The following TRAPPC9 variants were observed in gnomAD, a reference collection of about 807,000 sequenced individuals.
TRAPPC9 encodes the protein IKK2 binding protein.
In TRAPPC9, 83 loss-of-function variants were observed where a neutral mutation model predicts 124.0. The observed-to-expected ratio is 0.67, with a 90% CI of 0.56 to 0.80. TRAPPC9 has a LOEUF of 0.80. TRAPPC9 is among the 30% of genes least tolerant of loss of function. The pLI is 0.00. For missense variants in TRAPPC9, 1,302 were observed against 1,508.3 expected, an observed-to-expected ratio of 0.86 and a Z score of 2.27; for synonymous variants, 638 against 617.5, an observed-to-expected ratio of 1.03 and a Z score of -0.49.
intron 16 of TRAPPC9, among the ~76,000 whole-genome samples, chr8:140,244,712 CCTT>C (rs958530712): frequency 6.8e-6 from 1 of 146,774 alleles, no homozygotes; most frequent in African/African-American, 2.7e-5. Context: ...TTCATGAAAA[CCTT>C]CTTGGATAAA....
At chr8:140,441,809 C>T (rs2071026859) in intron 2 of TRAPPC9, among the ~76,000 whole-genome samples, 1 of 152,162 alleles carries the variant, frequency 6.6e-6, no homozygotes, top group Non-Finnish European at 1.5e-5. Context: ...AAGCAATCCA[C>T]CTGCCTTGGC....
At chr8:140,455,470 C>T (rs2071621639) in intron 1 of TRAPPC9, among the ~76,000 whole-genome samples, 1 of 150,650 alleles carries the variant, frequency 6.6e-6, no homozygotes, top group Admixed American at 6.6e-5. Flanking sequence ...CTCACTCTGT[C>T]GCCAGGCTGG....
intron 21 of TRAPPC9, chr8:139,881,182 G>C (rs545243142): frequency 6.6e-6 from 1 of 152,288 alleles, no homozygotes; most frequent in African/African-American, 2.4e-5. Context: ...TCTGGCTGGA[G>C]AGACTGTCCA....
intron 2 of TRAPPC9, among the ~76,000 whole-genome samples, chr8:140,449,467 A>G (rs1278087886): frequency 6.6e-6 from 1 of 152,264 alleles, no homozygotes; most frequent in Non-Finnish European, 1.5e-5. Context: ...CACAGCAGCA[A>G]GCAGAGAGTG....
At chr8:139,753,747 C>T (rs1819516195) in intron 21 of TRAPPC9, among the ~76,000 whole-genome samples, 1 of 152,208 alleles carries the variant, frequency 6.6e-6, no homozygotes, top group African/African-American at 2.4e-5. Context: ...CTACAAGTCC[C>T]GGAATCCTCA....
intron 19 of TRAPPC9, among the ~76,000 whole-genome samples, chr8:139,963,932 T>A (rs1185377479): frequency 6.6e-6 from 1 of 152,116 alleles, no homozygotes; most frequent in Non-Finnish European, 1.5e-5. Flanking sequence ...AAAAAAATTA[T>A]GTTTGTTTTT....
At chr8:139,911,360 A>T (rs1831717584) in intron 19 of TRAPPC9, 2 of 152,252 alleles carry the variant, frequency 1.3e-5, no homozygotes, top group South Asian at 4.1e-4. Flanking sequence ...TGTCTTCATC[A>T]GCAGCATAAA....
chr8:139,911,803 G>T (rs893422790), intron 19 of TRAPPC9, among the ~76,000 whole-genome samples: 3 of 151,930 alleles, frequency 2.0e-5, no homozygotes, highest in Non-Finnish European at 2.9e-5. Context: ...GGCCTCTGTG[G>T]CTATTCCCTT....
chr8:139,798,460 G>A (rs1823253128), intron 21 of TRAPPC9, among the ~76,000 whole-genome samples: 1 of 152,232 alleles, frequency 6.6e-6, no homozygotes, highest in Non-Finnish European at 1.5e-5. Flanking sequence ...TCAGAAGGGG[G>A]TTGATGTGTA....
chr8:139,951,074 A>G (rs1834613945), intron 19 of TRAPPC9, among the ~76,000 whole-genome samples: 1 of 152,032 alleles, frequency 6.6e-6, no homozygotes, highest in African/African-American at 2.4e-5. Context: ...CACCTGTGAC[A>G]CAGGCCTGGT....
At chr8:139,963,701 A>T (rs1267933547) in intron 19 of TRAPPC9, among the ~76,000 whole-genome samples, 1 of 148,100 alleles carries the variant, frequency 6.8e-6, no homozygotes, top group African/African-American at 2.5e-5. Flanking sequence ...CACAGGACCT[A>T]AAGGGCGTCG....
intron 18 of TRAPPC9, among the ~76,000 whole-genome samples, chr8:140,000,560 A>C (rs1419067326): frequency 6.6e-6 from 1 of 152,260 alleles, no homozygotes; most frequent in Non-Finnish European, 1.5e-5. Context: ...ACCCCATCAA[A>C]AAGTGGGTGA....
intron 21 of TRAPPC9, among the ~76,000 whole-genome samples, chr8:139,750,136 C>T (rs764492761): frequency 7.2e-5 from 11 of 152,102 alleles, no homozygotes; most frequent in Non-Finnish European, 1.6e-4. Context: ...GTGGCATAGA[C>T]CTCACCTCAG....
intron 17 of TRAPPC9, among the ~76,000 whole-genome samples, chr8:140,132,793 G>A (rs1344629552): frequency 4.7e-4 from 7 of 15,022 alleles, no homozygotes; most frequent in Admixed American, 1.6e-3. Flanking sequence ...AGGCCAAGTC[G>A]GAGGAGGAGG....
At chr8:139,937,211 A>C (rs1397290984) in intron 19 of TRAPPC9, among the ~76,000 whole-genome samples, 4 of 152,124 alleles carry the variant, frequency 2.6e-5, no homozygotes, top group Admixed American at 2.0e-4. Context: ...GTAACAGTAA[A>C]AGCTCTTTTT....
intron 21 of TRAPPC9, among the ~76,000 whole-genome samples, chr8:139,737,466 T>TCCCCAC (rs765720342): frequency 7.3e-5 from 3 of 41,366 alleles, no homozygotes; most frequent in African/African-American, 7.7e-5. Context: ...TCATCAGCCC[T>TCCCCAC]CCCCCCCCCC....
At chr8:139,927,719 C>G (rs1434082715) in intron 19 of TRAPPC9, among the ~76,000 whole-genome samples, 1 of 152,176 alleles carries the variant, frequency 6.6e-6, no homozygotes, top group Non-Finnish European at 1.5e-5. Flanking sequence ...TGCCCATCAA[C>G]AGGCGAATGC....
At chr8:139,890,627 G>A (rs1424694929) in intron 20 of TRAPPC9, among the ~76,000 whole-genome samples, 1 of 152,188 alleles carries the variant, frequency 6.6e-6, no homozygotes, top group Non-Finnish European at 1.5e-5. Flanking sequence ...TTCAAATACG[G>A]GAAGGCGAAG....
At chr8:140,078,781 T>A (rs1294943045) in intron 17 of TRAPPC9, among the ~76,000 whole-genome samples, 1 of 151,978 alleles carries the variant, frequency 6.6e-6, no homozygotes, top group African/African-American at 2.4e-5. Flanking sequence ...TAACACCAGG[T>A]CAGCCACCTC....
Sources: gnomAD v4.1 joint callset for allele counts (sites outside exome capture counted in the v4.1 genomes callset) on GRCh38, gnomAD v4.1.1 for gene constraint, MANE v1.5 for transcripts, NCBI Gene and HGNC (gene_info 2026-07-23, HGNC 2026-07-21) for gene names.